The following CD109 variants were observed in gnomAD, a reference collection of about 807,000 sequenced individuals.
CD109 encodes CD109 molecule.
Under a neutral mutation model 165.8 loss-of-function variants are expected in CD109, and 149 were observed. That is an observed-to-expected ratio of 0.90 (90% CI 0.79 to 1.03). The LOEUF (loss-of-function observed/expected upper bound fraction) is 1.03, where lower values mean the gene tolerates loss of function less well. CD109 is among the 50% of genes least tolerant of loss of function. The pLI is 0.00. For missense variants in CD109, 1,712 were observed against 1,677.8 expected (o/e 1.02, Z -0.36); for synonymous variants, 585 against 592.1 (o/e 0.99, Z 0.18).
intron 13 of CD109, among the ~76,000 whole-genome samples, chr6:73,767,654 G>A (rs1773900065): frequency 6.6e-6 from 1 of 151,858 alleles, no homozygotes; most frequent in Non-Finnish European, 1.5e-5. Flanking sequence ...CTTGTTTTAT[G>A]TTTAAAATTT....
rs573655591 is a variant in CD109 at position 73,749,483 on chromosome 6, A to G, written c.634-7160A>G. 4.6e-3 allele frequency among the ~76,000 whole-genome samples: 696 copies of G among 152,248 alleles called. 8 individuals are homozygous for G. The highest frequency in any genetic ancestry group is 0.016 in the African/African-American group (653 of 41,534). On this transcript the variant is annotated intron_variant, in intron 5 of 32. Transcript: ENST00000287097. ...AGGGCTTGTAGAGAGTAGTAGTTGAAGAGAAAGGTGGGGAAGTTTGTGGGC... is the reference window on the plus strand; with the variant it reads ...AGGGCTTGTAGAGAGTAGTAGTTGAGGAGAAAGGTGGGGAAGTTTGTGGGC...
intron 23 of CD109, among the ~76,000 whole-genome samples, chr6:73,802,307 T>A (rs5029513): frequency 0.063 from 3,168 of 50,586 alleles, 123 homozygotes; most frequent in East Asian, 0.36. Flanking sequence ...ATATATATAT[T>A]TTTTTTTTTT....
At chr6:73,710,137 A>T (rs2150154949) in intron 2 of CD109, among the ~76,000 whole-genome samples, 1 of 152,308 alleles carries the variant, frequency 6.6e-6, no homozygotes, top group East Asian at 1.9e-4. Flanking sequence ...AATTAGGAAA[A>T]GAGGAAGTCA....
At chr6:73,711,300 C>G (rs72953385) in intron 2 of CD109, among the ~76,000 whole-genome samples, 4,583 of 151,584 alleles carry the variant, frequency 0.03, 114 homozygotes, top group Non-Finnish European at 0.045. Context: ...GACAATGGAA[C>G]AAAACTTTGT....
At chr6:73,791,153 A>ATG (rs1774927747) in intron 22 of CD109, among the ~76,000 whole-genome samples, 1 of 32,058 alleles carries the variant, frequency 3.1e-5, no homozygotes, top group Non-Finnish European at 5.5e-5. Flanking sequence ...ATATATATAT[A>ATG]TATATATATA....
intron 27 of CD109, 51 bp from the exon 28 acceptor site, chr6:73,810,941 G>A (rs1395518901): frequency 2.0e-6 from 3 of 1,532,206 alleles, no homozygotes; most frequent in Non-Finnish European, 1.8e-6. Context: ...TTTACTCTTT[G>A]AAGACCTTGA....
chr6:73,696,358 G>T, intron 1 of CD109, 69 bp downstream of exon 1: 1 of 1,274,264 alleles, frequency 7.8e-7, no homozygotes, highest in South Asian at 1.9e-5. Context: ...TCTGGGCCAG[G>T]GCTTCGGGGA....
chr6:73,807,537 A>G (rs1296281348), intron 25 of CD109, among the ~76,000 whole-genome samples: 1 of 152,154 alleles, frequency 6.6e-6, no homozygotes, highest in Non-Finnish European at 1.5e-5. Flanking sequence ...GGATGCCTGG[A>G]TGAGAATGAG....
chr6:73,786,358 A>G (rs1318690367), intron 20 of CD109, among the ~76,000 whole-genome samples: 2 of 152,162 alleles, frequency 1.3e-5, no homozygotes, highest in Non-Finnish European at 2.9e-5. Context: ...ATGACATGAT[A>G]TCTTTAGGCA....
At chr6:73,800,855 C>T (rs190480933) in intron 23 of CD109, among the ~76,000 whole-genome samples, 29 of 152,020 alleles carry the variant, frequency 1.9e-4, no homozygotes, top group African/African-American at 6.8e-4. Flanking sequence ...ATAAAAATTA[C>T]ATAATATTGA....
chr6:73,765,886 C>T (rs773688466), intron 10 of CD109, 44 bp from the exon 11 acceptor site: 3 of 1,357,416 alleles, frequency 2.2e-6, no homozygotes, highest in Non-Finnish European at 3.1e-6. Flanking sequence ...TTTAATCGTA[C>T]TTAAATCCTT....
chr6:73,744,746 T>G (rs1772915041), intron 5 of CD109, among the ~76,000 whole-genome samples: 2 of 152,102 alleles, frequency 1.3e-5, no homozygotes, highest in African/African-American at 4.8e-5. Flanking sequence ...GAAGCCACCC[T>G]AGGAGGACCC....
chr6:73,809,540 A>G (rs1775680722), intron 26 of CD109, among the ~76,000 whole-genome samples: 1 of 152,178 alleles, frequency 6.6e-6, no homozygotes, highest in African/African-American at 2.4e-5. Context: ...ATGAAAATTT[A>G]CAAGTATATA....
rs542036029 is a variant in CD109 at position 73,696,232 on chromosome 6, T to G, written c.17T>G (p.Leu6Arg). 7 of 1,544,830 alleles carry G rather than the reference T, an allele frequency of 4.5e-6. No individual in the cohort carries two copies. Among genetic ancestry groups the G allele is most frequent in the East Asian group, 2.4e-5 (1 of 40,946 alleles). Reference sequence around the variant, plus strand: ...GCCGTCGAGATGCAGGGCCCACCGCTCCTGACCGCCGCCCACCTCCTCTGC... The same window carrying G: ...GCCGTCGAGATGCAGGGCCCACCGCGCCTGACCGCCGCCCACCTCCTCTGC... MQGPP[L>R]LTAAHLLCVC... Residue 6 changes from leucine (L) to arginine (R), a missense_variant, in exon 1 of 33, where the codon CTC (leucine) becomes CGC (arginine). Physicochemically the swap from Leu to Arg is moderately radical, Grantham distance 102. Transcript: ENST00000287097.
At chr6:73,738,598 ATGT>A (rs1772634991) in intron 5 of CD109, among the ~76,000 whole-genome samples, 1 of 152,242 alleles carries the variant, frequency 6.6e-6, no homozygotes, top group African/African-American at 2.4e-5. Flanking sequence ...AGGATTTATC[ATGT>A]TGTGGTTTGT....
rs541530411 is a variant in CD109 at position 73,742,425 on chromosome 6, A to G, written c.633+5917A>G. Among the ~76,000 whole-genome samples, 36 of 152,326 alleles carry G rather than the reference A, an allele frequency of 2.4e-4. No individual in the cohort carries two copies. In the South Asian group the frequency reaches 3.1e-3, roughly 13 times the overall value. On this transcript the variant is annotated intron_variant, in intron 5 of 32. Transcript: ENST00000287097. Reference sequence around the variant, plus strand: ...AATGTTTTTGCATCTATGATTTAAAAATTATATTCGAGGTTATTAGAAGGT... The same window carrying G: ...AATGTTTTTGCATCTATGATTTAAAGATTATATTCGAGGTTATTAGAAGGT...
At chr6:73,790,098 CCTT>C (rs779733488) in intron 22 of CD109, among the ~76,000 whole-genome samples, 167 of 88,194 alleles carry the variant, frequency 1.9e-3, no homozygotes, top group Non-Finnish European at 2.5e-3. Flanking sequence ...TGCTAAAAGT[CCTT>C]TTTTTTTTTT....
intron 32 of CD109, among the ~76,000 whole-genome samples, chr6:73,822,044 A>T (rs1776126446): frequency 6.6e-6 from 1 of 152,218 alleles, no homozygotes; most frequent in South Asian, 2.1e-4. Flanking sequence ...CAAGAAAAAT[A>T]TAGCCTGTTT....
chr6:73,755,627 C>G (rs1372493005), intron 5 of CD109, among the ~76,000 whole-genome samples: 1 of 152,092 alleles, frequency 6.6e-6, no homozygotes, highest in African/African-American at 2.4e-5. Flanking sequence ...TGGAGAGGTT[C>G]TATTTAATGT....
Sources: allele counts gnomAD v4.1 joint callset (sites outside exome capture counted in the v4.1 genomes callset), GRCh38; gene constraint gnomAD v4.1.1; transcripts MANE v1.5; gene names NCBI Gene and HGNC (gene_info 2026-07-23, HGNC 2026-07-21).